MYZAP: variants seen among roughly 807,000 people sequenced by gnomAD.
The protein encoded by MYZAP is myocardial zonula adherens protein, also known as GRINL1A complex locus upstream.
Under a neutral mutation model 69.4 loss-of-function variants are expected in MYZAP, and 66 were observed. The ratio of observed to expected loss-of-function variants is 0.95; its 90% confidence interval spans 0.78 to 1.17. The LOEUF is 1.17. MYZAP is among the 50% of genes most tolerant of loss of function. The probability of loss-of-function intolerance (pLI) is 0.00; values close to 1 mark genes in which losing one functional copy is unlikely to be tolerated. For synonymous variants in MYZAP, 256 were observed against 205.9 expected (o/e 1.24, Z -2.09); for missense variants, 611 against 556.2 (o/e 1.10, Z -0.99).
At chr15:57,604,148 G>C (rs2034589448) in intron 1 of MYZAP, 121 bp from the exon 2 acceptor site, 1 of 1,057,306 alleles carries the variant, frequency 9.5e-7, no homozygotes, top group African/African-American at 1.6e-5. Flanking sequence ...GCTCCTGTAT[G>C]ATCAGGACAG....
intron 12 of MYZAP, among the ~76,000 whole-genome samples, chr15:57,677,923 A>G (rs1275228889): frequency 7.9e-5 from 12 of 151,956 alleles, no homozygotes; most frequent in African/African-American, 2.9e-4. Context: ...GCATTTAGAG[A>G]CTGGGCATGG....
At chr15:57,677,969 C>A (rs2039223246) in intron 12 of MYZAP, among the ~76,000 whole-genome samples, 1 of 147,052 alleles carries the variant, frequency 6.8e-6, no homozygotes, top group African/African-American at 2.6e-5. Context: ...TTTGGGAGGC[C>A]AAGGCGGGAG....
intron 6 of MYZAP, 24 bp from the exon 7 acceptor site, chr15:57,632,410 G>A (rs373928212): frequency 3.3e-5 from 54 of 1,613,696 alleles, no homozygotes; most frequent in African/African-American, 1.1e-4. Flanking sequence ...AAAAGCTGTC[G>A]TTCTGAAATG....
At position 57,662,070 on chromosome 15, in the gene MYZAP, G is replaced by A. The variant is rs552464433; in HGVS notation, c.1203+537G>A. Among the ~76,000 whole-genome samples, 4 of 152,254 alleles carry A rather than the reference G, an allele frequency of 2.6e-5. No individual in the cohort carries two copies. The East Asian group carries it at 7.7e-4, about 29-fold the overall frequency. Reference sequence around the variant, plus strand: ...CAGCGAGTGAAGATGTGTTAGAGGGGACTTAATTTTACCTGAAACTTTCAG... The same window carrying A: ...CAGCGAGTGAAGATGTGTTAGAGGGAACTTAATTTTACCTGAAACTTTCAG... On this transcript the variant is annotated intron_variant, in intron 11 of 12. Transcript: ENST00000267853.
rs562808001 is a variant in MYZAP, at chr15:57,667,051, T to TTA, written c.1203+5519_1203+5520dup. Among the ~76,000 whole-genome samples the TTA allele has an allele frequency of 3.9e-4, 60 of 152,322 alleles. 3 individuals carry two copies. In the East Asian group the frequency reaches 6.8e-3, roughly 17 times the overall value. On this transcript the variant is annotated intron_variant, in intron 11 of 12. Coordinates refer to ENST00000267853, the MANE Select transcript of MYZAP (RefSeq NM_001018100.5). ...CTTTTCTCTGTCGGATATACTACAC[T>TTA]TACAGCTCAATTCAAAAGTCAGAGG...
chr15:57,616,031 C>G (rs1327163230), intron 2 of MYZAP, among the ~76,000 whole-genome samples: 2 of 152,158 alleles, frequency 1.3e-5, no homozygotes, highest in Non-Finnish European at 2.9e-5. Context: ...CTCTAGCGCC[C>G]CTACCCCATC....
At chr15:57,610,911 A>C (rs2035066861) in intron 2 of MYZAP, among the ~76,000 whole-genome samples, 1 of 152,324 alleles carries the variant, frequency 6.6e-6, no homozygotes, top group East Asian at 1.9e-4. Context: ...AACCAAGGCC[A>C]CTTTGGGGGT....
chr15:57,683,056 G>T (rs568968240), intron 12 of MYZAP, among the ~76,000 whole-genome samples: 2 of 152,216 alleles, frequency 1.3e-5, no homozygotes, highest in East Asian at 1.9e-4. Context: ...GCAACTTTAA[G>T]GGAAATAAAC....
At chr15:57,670,371 G>T in intron 11 of MYZAP, among the ~76,000 whole-genome samples, 1 of 151,860 alleles carries the variant, frequency 6.6e-6, no homozygotes, top group Non-Finnish European at 1.5e-5. Flanking sequence ...TCTTTGTCTT[G>T]ATATCTATTT....
intron 7 of MYZAP, 111 bp from the exon 8 acceptor site, chr15:57,633,502 G>A (rs2036628180): frequency 2.9e-6 from 4 of 1,379,572 alleles, no homozygotes; most frequent in Non-Finnish European, 3.8e-6. Flanking sequence ...CAGGTTCCAA[G>A]GTCATGTTTT....
intron 5 of MYZAP, among the ~76,000 whole-genome samples, chr15:57,626,177 A>T (rs1269806826): frequency 6.6e-6 from 1 of 152,186 alleles, no homozygotes; most frequent in Non-Finnish European, 1.5e-5. Flanking sequence ...AGTGGTCCTC[A>T]GCATCAGTGC....
chr15:57,647,043 C>T (rs2037481338), intron 10 of MYZAP: 1 of 985,378 alleles, frequency 1.0e-6, no homozygotes. Context: ...GGAGATGGGG[C>T]TCGTGGAGTG....
At chr15:57,622,691 T>C (rs758457848) in intron 4 of MYZAP, among the ~76,000 whole-genome samples, 19 of 152,212 alleles carry the variant, frequency 1.2e-4, no homozygotes, top group Non-Finnish European at 2.4e-4. Flanking sequence ...GGAAGTCTTA[T>C]ACCTGGCTAA....
intron 11 of MYZAP, among the ~76,000 whole-genome samples, chr15:57,674,358 T>A (rs2039015281): frequency 6.6e-6 from 1 of 152,240 alleles, no homozygotes; most frequent in African/African-American, 2.4e-5. Context: ...TTTCAGAATG[T>A]GAATTTTAAT....
chr15:57,604,963 A>G (rs867704302), intron 2 of MYZAP, among the ~76,000 whole-genome samples: 1 of 152,198 alleles, frequency 6.6e-6, no homozygotes, highest in Admixed American at 6.5e-5. Context: ...AGGTGTTAAG[A>G]TCCAGCCCTA....
Position 57,591,918 on chromosome 15 carries a change from T to C in MYZAP, c.-117T>C, listed in dbSNP as rs1323195251. On this transcript the variant is annotated 5_prime_UTR_variant, in exon 1 of 13. Transcript: ENST00000267853. ...CACCCCCGGGCCTTCGCGGTGCAGCTGAGGCTGCAAGTAGCCGGCGCCGTC... is the reference window on the plus strand; with the variant it reads ...CACCCCCGGGCCTTCGCGGTGCAGCCGAGGCTGCAAGTAGCCGGCGCCGTC... 8.3e-5 allele frequency: 80 copies of C among 962,326 alleles called. No homozygotes were observed. Among genetic ancestry groups the C allele is most frequent in the African/African-American group, 7.0e-4 (40 of 57,416 alleles). The allele number at this position is 962,326 out of a possible 1,614,324, so 59.6% of individuals were successfully genotyped here.
Position 57,673,318 on chromosome 15 carries a change from G to A in MYZAP, c.1204-1650G>A, listed in dbSNP as rs906120692. Among the ~76,000 whole-genome samples the A allele has an allele frequency of 6.6e-5, 10 of 152,302 alleles. No homozygotes were observed. In the East Asian group the frequency reaches 1.4e-3, roughly 21 times the overall value. Reference sequence around the variant, plus strand: ...TCTTTACACTAAGAAGGGATAAGGCGATGGTATTACTGGAGTATCCAGCAA... The same window carrying A: ...TCTTTACACTAAGAAGGGATAAGGCAATGGTATTACTGGAGTATCCAGCAA... On this transcript the variant is annotated intron_variant, in intron 11 of 12. Coordinates refer to ENST00000267853, the MANE Select transcript of MYZAP (RefSeq NM_001018100.5).
chr15:57,677,020 G>A (rs749553338), intron 12 of MYZAP, among the ~76,000 whole-genome samples: 3 of 152,164 alleles, frequency 2.0e-5, no homozygotes, highest in East Asian at 1.9e-4. Context: ...TATTTCATTC[G>A]TTTCCTCGCA....
At chr15:57,629,004 A>AAT (rs2036325773) in intron 5 of MYZAP, among the ~76,000 whole-genome samples, 1 of 150,458 alleles carries the variant, frequency 6.6e-6, no homozygotes, top group Non-Finnish European at 1.5e-5. Context: ...AATCGCTTGA[A>AAT]CCTGGGAGGC....
Sources: gnomAD v4.1 joint callset for allele counts (sites outside exome capture counted in the v4.1 genomes callset) on GRCh38, gnomAD v4.1.1 for gene constraint, MANE v1.5 for transcripts, NCBI Gene and HGNC (gene_info 2026-07-23, HGNC 2026-07-21) for gene names.